B3GLCT: variants seen among roughly 807,000 people sequenced by gnomAD.
The protein encoded by B3GLCT is beta 3-glucosyltransferase.
In B3GLCT, 65 loss-of-function variants were observed where a neutral mutation model predicts 63.4. The ratio of observed to expected loss-of-function variants is 1.03; its 90% CI spans 0.84 to 1.26. B3GLCT has a LOEUF of 1.26. Ranked by LOEUF, B3GLCT falls within the 50% of genes most tolerant of loss-of-function variation. The pLI, the probability that B3GLCT is intolerant of heterozygous loss-of-function variation, is 0.00. For synonymous variants in B3GLCT, 233 were observed against 219.2 expected (o/e 1.06, Z -0.55); for missense variants, 577 against 604.8 (o/e 0.95, Z 0.48).
intron 2 of B3GLCT, among the ~76,000 whole-genome samples, chr13:31,220,009 G>A (rs1048951934): frequency 6.6e-5 from 10 of 152,166 alleles, no homozygotes; most frequent in African/African-American, 2.4e-4. Context: ...AGTGGGTCTT[G>A]TCATTATTAT....
In B3GLCT at chr13:31,223,626, A is replaced by T. The variant is rs182160824; in HGVS notation, c.160+635A>T. Reference sequence around the variant, plus strand: ...GAAATGTGACCAGGAGTTAGACTTTAAAAAAAAATTAATGGGAAGCATGCC... The same window carrying T: ...GAAATGTGACCAGGAGTTAGACTTTTAAAAAAAATTAATGGGAAGCATGCC... On this transcript the variant is annotated intron_variant, in intron 3 of 14. Transcript: ENST00000343307. 4.6e-5 allele frequency among the ~76,000 whole-genome samples: 7 copies of T among 151,908 alleles called. No individual in the cohort carries two copies. In the South Asian group the frequency reaches 8.3e-4, roughly 18 times the overall value.
intron 12 of B3GLCT, among the ~76,000 whole-genome samples, chr13:31,299,085 T>C (rs913815752): frequency 1.3e-5 from 2 of 152,208 alleles, no homozygotes; most frequent in African/African-American, 4.8e-5. Context: ...AAGATTTGCA[T>C]AGTCACCCGA....
At chr13:31,235,798 C>T (rs1230373149) in intron 4 of B3GLCT, among the ~76,000 whole-genome samples, 3 of 152,212 alleles carry the variant, frequency 2.0e-5, no homozygotes, top group African/African-American at 7.2e-5. Context: ...AAACTAAAAT[C>T]TGTATGCATT....
chr13:31,318,346 ATTCTAGT>A (rs1389022583), intron 13 of B3GLCT, among the ~76,000 whole-genome samples: 1 of 152,180 alleles, frequency 6.6e-6, no homozygotes, highest in Non-Finnish European at 1.5e-5. Context: ...TCCAGGCAGC[ATTCTAGT>A]TTATAATCTA....
At chr13:31,321,477 G>A (rs1875326349) in intron 13 of B3GLCT, among the ~76,000 whole-genome samples, 1 of 152,194 alleles carries the variant, frequency 6.6e-6, no homozygotes, top group Non-Finnish European at 1.5e-5. Context: ...ATATCAGAGT[G>A]CATTCCATGT....
chr13:31,217,978 G>C (rs141991401), intron 2 of B3GLCT, among the ~76,000 whole-genome samples: 237 of 152,178 alleles, frequency 1.6e-3, no homozygotes, highest in African/African-American at 5.6e-3. Context: ...GTCATTGGTA[G>C]TTTGATAGAA....
intron 12 of B3GLCT, among the ~76,000 whole-genome samples, chr13:31,316,904 C>T (rs1167622468): frequency 6.6e-6 from 1 of 152,140 alleles, no homozygotes; most frequent in Non-Finnish European, 1.5e-5. Flanking sequence ...CCTTTGTAAG[C>T]TGTTGTTGGT....
Position 31,329,731 on chromosome 13 carries a change from A to G in B3GLCT, c.*63A>G, listed in dbSNP as rs765328960. ...GAACTGGAGACTGTGGCCTCATCCC[A>G]CTGTGCTGTGCTCACAACACTTGTG... On this transcript the variant is annotated 3_prime_UTR_variant, in exon 15 of 15. Coordinates refer to ENST00000343307, the MANE Select transcript of B3GLCT (RefSeq NM_194318.4). 2 of 1,571,860 alleles carry G rather than the reference A, an allele frequency of 1.3e-6. No homozygotes were observed. The highest frequency in any genetic ancestry group is 1.7e-6 in the Non-Finnish European group (2 of 1,145,646).
intron 2 of B3GLCT, among the ~76,000 whole-genome samples, chr13:31,220,689 C>T (rs1869768054): frequency 6.6e-6 from 1 of 152,162 alleles, no homozygotes; most frequent in Non-Finnish European, 1.5e-5. Flanking sequence ...TTGATTTTTA[C>T]AGTTTACAAA....
intron 6 of B3GLCT, among the ~76,000 whole-genome samples, chr13:31,248,827 C>T (rs376473957): frequency 1.1e-4 from 17 of 152,258 alleles, no homozygotes; most frequent in South Asian, 6.2e-4. Context: ...TGAATATTTG[C>T]GAATGACTTT....
At chr13:31,232,155 C>T (rs375992277) in intron 4 of B3GLCT, among the ~76,000 whole-genome samples, 74 of 152,320 alleles carry the variant, frequency 4.9e-4, no homozygotes, top group African/African-American at 1.6e-3. Context: ...CATCTTCCAC[C>T]GCTCATCCCC....
chr13:31,222,889 CAG>C (rs1869889065), intron 2 of B3GLCT, 61 bp from the exon 3 acceptor site: 12 of 1,085,670 alleles, frequency 1.1e-5, no homozygotes, highest in Non-Finnish European at 1.7e-5. Context: ...CATGTTTACT[CAG>C]TGTACTGCTG....
intron 1 of B3GLCT, among the ~76,000 whole-genome samples, chr13:31,200,774 C>G (rs1868618197): frequency 6.6e-6 from 1 of 152,054 alleles, no homozygotes; most frequent in African/African-American, 2.4e-5. Flanking sequence ...CGGCGCCAGC[C>G]CTTCCCGGAT....
chr13:31,268,282 T>C, intron 7 of B3GLCT, among the ~76,000 whole-genome samples: 1 of 152,218 alleles, frequency 6.6e-6, no homozygotes. Flanking sequence ...TAAGTATTCC[T>C]CCCTCGTTAG....
chr13:31,236,984 G>T (rs1022643955), intron 4 of B3GLCT, among the ~76,000 whole-genome samples: 1 of 152,030 alleles, frequency 6.6e-6, no homozygotes, highest in Non-Finnish European at 1.5e-5. Context: ...AAATTAGCCG[G>T]TCGTGGTGGC....
intron 12 of B3GLCT, among the ~76,000 whole-genome samples, chr13:31,297,455 T>C (rs189217152): frequency 3.4e-4 from 52 of 151,922 alleles, no homozygotes; most frequent in African/African-American, 1.2e-3. Context: ...ATTAGTTGGT[T>C]AGGAAAAAAC....
intron 1 of B3GLCT, among the ~76,000 whole-genome samples, chr13:31,206,026 A>G (rs1459170585): frequency 6.6e-6 from 1 of 152,262 alleles, no homozygotes; most frequent in Admixed American, 6.5e-5. Context: ...GCTTCCCGTA[A>G]GAAACTCAAG....
rs756082348 is a variant in B3GLCT at position 31,317,718 on chromosome 13, T to G, written c.1184+33T>G. 1.7e-5 allele frequency: 28 copies of G among 1,613,108 alleles called. No individual in the cohort carries two copies. In the Admixed American group the frequency reaches 3.7e-4, roughly 21 times the overall value. The stretch of plus-strand genomic sequence containing the variant: ...TGATCACAGCTTTCTTCAACTACTT[T>G]AAACATAAACTTCCCTTTCCACACG... On this transcript the variant is annotated intron_variant, in intron 13 of 14. Transcript: ENST00000343307.
chr13:31,281,405 C>T (rs1873064109), intron 10 of B3GLCT, among the ~76,000 whole-genome samples: 2 of 152,140 alleles, frequency 1.3e-5, no homozygotes, highest in Non-Finnish European at 2.9e-5. Flanking sequence ...AAGAGGCTTA[C>T]ATGTACTGTG....
Sources: gnomAD v4.1 joint callset for allele counts (sites outside exome capture counted in the v4.1 genomes callset) on GRCh38, gnomAD v4.1.1 for gene constraint, MANE v1.5 for transcripts, NCBI Gene and HGNC (gene_info 2026-07-23, HGNC 2026-07-21) for gene names.